PRR7: variants seen among roughly 807,000 people sequenced by gnomAD.
The protein encoded by PRR7 is proline rich 7, synaptic, also known as proline-rich protein 7.
A neutral mutation model predicts 18.5 loss-of-function variants in PRR7; 8 were observed. The ratio of observed to expected loss-of-function variants is 0.43; its 90% CI spans 0.25 to 0.78. The LOEUF is 0.78. PRR7 is among the 30% of genes least tolerant of loss of function. The probability of loss-of-function intolerance (pLI) is 0.22; values close to 1 mark genes in which losing one functional copy is unlikely to be tolerated. For synonymous variants in PRR7, 221 were observed against 187.7 expected (o/e 1.18, Z -1.45); for missense variants, 396 against 403.1 (o/e 0.98, Z 0.15).
chr5:177,453,785 C>G (rs1353395016), intron 1 of PRR7, among the ~76,000 whole-genome samples, 171 bp from the exon 2 acceptor site: 2 of 152,210 alleles, frequency 1.3e-5, no homozygotes, highest in Non-Finnish European at 2.9e-5. Flanking sequence ...GTTGTTCCCC[C>G]AACTCCTCGT....
chr5:177,454,913 C>A lies in PRR7; in HGVS notation c.-155C>A. ...GGGCGCCGCTGCTGTCCCCCGCCGG[C>A]GCGCGCACGACTTGAGACCTGCCAC... On this transcript the variant is annotated 5_prime_UTR_variant, in exon 3 of 4. Transcript: ENST00000323249. The surrounding 1 kb of genome is among the most constrained non-coding windows in gnomAD (Gnocchi z 4.7). 9.4e-7 allele frequency: 1 copy of A among 1,066,484 alleles called. No individual in the cohort carries two copies. The highest frequency in any genetic ancestry group is 4.7e-5 in the South Asian group (1 of 21,492). The allele number at this position is 1,066,484 out of a possible 1,614,324, so 66.1% of individuals were successfully genotyped here.
In PRR7 at chr5:177,455,320, G is replaced by C; in HGVS notation, c.253G>C (p.Glu85Gln). 1.3e-6 allele frequency: 2 copies of C among 1,487,332 alleles called. No homozygotes were observed. The highest frequency in any genetic ancestry group is 1.8e-6 in the Non-Finnish European group (2 of 1,128,006). 92.1% of individuals were successfully genotyped at this position (1,487,332 alleles called of 1,614,324 possible). A position where few individuals can be genotyped will look rare whatever the true frequency, so the allele number is the denominator to read the frequency against. Reference protein sequence around the residue: ...PQPPPHRSRLEAPAHAHSHPH... With the variant: ...PQPPPHRSRLQAPAHAHSHPH... ...GCCACCACCACACCGTAGCCGCCTG[G>C]AGGCGCCGGCTCACGCGCACTCGCA... The change falls in exon 3 of 4, where the codon GAG becomes CAG. Residue 85 changes from glutamate to glutamine, a missense_variant. Coordinates refer to ENST00000323249, the MANE Select transcript of PRR7 (RefSeq NM_030567.5). The surrounding 1 kb of genome is among the most constrained non-coding windows in gnomAD (Gnocchi z 6.9).
In PRR7 at chr5:177,455,369, T is replaced by G; in HGVS notation, c.302T>G (p.Leu101Arg). 2.7e-6 allele frequency: 4 copies of G among 1,496,646 alleles called. No individual in the cohort carries two copies. Among genetic ancestry groups the G allele is most frequent in the Non-Finnish European group, 2.7e-6 (3 of 1,129,224 alleles). The allele number at this position is 1,496,646 out of a possible 1,614,324, so 92.7% of individuals were successfully genotyped here. ...CATCCGCACGTGCACGTGCACCCGC[T>G]GCTGCACCACGGGCCCGCGCAGCCG... ...HSHPHVHVHPLLHHGPAQPHA... is the reference protein window; with the variant it reads ...HSHPHVHVHPRLHHGPAQPHA... Residue 101 changes from leucine (L) to arginine (R), a missense_variant, in exon 3 of 4, where the codon CTG becomes CGG. Coordinates refer to ENST00000323249, the MANE Select transcript of PRR7 (RefSeq NM_030567.5). This position sits in a 1 kb window ranked among gnomAD's most constrained non-coding sequence, Gnocchi z 6.9.
At position 177,455,417 on chromosome 5, in the gene PRR7, C is replaced by G. The variant is rs931510995; in HGVS notation, c.350C>G (p.Pro117Arg). The G allele has an allele frequency of 2.0e-6, 3 of 1,504,340 alleles. No individual in the cohort carries two copies. Among genetic ancestry groups the G allele is most frequent in the Non-Finnish European group, 1.8e-6 (2 of 1,133,736 alleles). The allele number at this position is 1,504,340 out of a possible 1,614,324, so 93.2% of individuals were successfully genotyped here. Residue 117 changes from proline (P) to arginine (R), a missense_variant, in exon 3 of 4, where the codon CCG becomes CGG. Physicochemically the swap from Pro to Arg is moderately radical, Grantham distance 103. Coordinates refer to ENST00000323249, the MANE Select transcript of PRR7 (RefSeq NM_030567.5). This position sits in a 1 kb window ranked among gnomAD's most constrained non-coding sequence, Gnocchi z 6.9. ...CCGCACGCGCACGCGCACCCACACC[C>G]GCACCACCACGCGCTCCCGCACCCG... ...AQPHAHAHPH[P>R]HHHALPHPPP...
Position 177,451,759 on chromosome 5 carries a change from C to T in PRR7, c.-324-2197C>T, listed in dbSNP as rs954423435. Among the ~76,000 whole-genome samples the T allele has an allele frequency of 2.1e-5, 2 of 97,024 alleles. 1 individual carries two copies. The highest frequency in any genetic ancestry group is 6.8e-5 in the African/African-American group (2 of 29,578). 63.7% of individuals were successfully genotyped at this position (97,024 alleles called of 152,430 possible). On this transcript the variant is annotated intron_variant, in intron 1 of 3. Transcript: ENST00000323249. ...GCAGGGAGCACCCTGTAGCCTGCTTCGGAGAGTGACTGTGGTGCCCAGCCC... is the reference window on the plus strand; with the variant it reads ...GCAGGGAGCACCCTGTAGCCTGCTTTGGAGAGTGACTGTGGTGCCCAGCCC...
At chr5:177,451,113 G>A (rs923054436) in intron 1 of PRR7, among the ~76,000 whole-genome samples, 3 of 152,222 alleles carry the variant, frequency 2.0e-5, no homozygotes, top group Admixed American at 1.3e-4. Context: ...AGGATGCGGC[G>A]GACGGAAGGA....
Position 177,450,634 on chromosome 5 carries a change from C to T in PRR7, c.-324-3322C>T, listed in dbSNP as rs1317931274. Among the ~76,000 whole-genome samples the T allele has an allele frequency of 6.6e-6, 1 of 152,212 alleles. No individual in the cohort carries two copies. The highest frequency in any genetic ancestry group is 1.5e-5 in the Non-Finnish European group (1 of 68,030). Reference sequence around the variant, plus strand: ...CGATGGTGCTCGGCCCTGGCCACCCCGGAACATCCTGGCATCATTGGGCTT... The same window carrying T: ...CGATGGTGCTCGGCCCTGGCCACCCTGGAACATCCTGGCATCATTGGGCTT... On this transcript the variant is annotated intron_variant, in intron 1 of 3. Transcript: ENST00000323249. This position sits in a 1 kb window ranked among gnomAD's most constrained non-coding sequence, Gnocchi z 6.6.
intron 1 of PRR7, among the ~76,000 whole-genome samples, chr5:177,453,171 T>C (rs1179497785): frequency 6.6e-6 from 1 of 152,228 alleles, no homozygotes; most frequent in African/African-American, 2.4e-5. Flanking sequence ...TGCGTGGTCC[T>C]TGAAAGATAT....
At chr5:177,452,051 C>T (rs1478323126) in intron 1 of PRR7, among the ~76,000 whole-genome samples, 3 of 152,074 alleles carry the variant, frequency 2.0e-5, no homozygotes, top group Non-Finnish European at 2.9e-5. Flanking sequence ...GTGTGTGGCC[C>T]GAGAAAACAT....
intron 1 of PRR7, among the ~76,000 whole-genome samples, chr5:177,447,484 GC>G (rs1047684543): frequency 1.3e-5 from 2 of 152,194 alleles, no homozygotes; most frequent in African/African-American, 4.8e-5. Flanking sequence ...GGGCGGCCCA[GC>G]CCCTGGGCTT....
rs1158182104 is a variant in PRR7 at position 177,449,907 on chromosome 5, T to C, written c.-325+2947T>C. Among the ~76,000 whole-genome samples the C allele has an allele frequency of 6.6e-5, 10 of 152,058 alleles. No individual in the cohort carries two copies. Among genetic ancestry groups the C allele is most frequent in the Non-Finnish European group, 1.2e-4 (8 of 68,008 alleles). On this transcript the variant is annotated intron_variant, in intron 1 of 3. Transcript: ENST00000323249. The surrounding 1 kb of genome is among the most constrained non-coding windows in gnomAD (Gnocchi z 4.2). ...TGACTGGGAGTGGAGACAAGTCCTG[T>C]CAAGTCCTCTCTGGCCTCAGTTCCT...
chr5:177,455,391 G>GCCGCACGCGCACGCGCAC lies in PRR7; in HGVS notation c.327_344dup (p.Ala111_His116dup). On this transcript the variant is annotated inframe_insertion, in exon 3 of 4. Coordinates refer to ENST00000323249, the MANE Select transcript of PRR7 (RefSeq NM_030567.5). The surrounding 1 kb of genome is among the most constrained non-coding windows in gnomAD (Gnocchi z 6.9). ...CGCTGCTGCACCACGGGCCCGCGCA[G>GCCGCACGCGCACGCGCAC]CCGCACGCGCACGCGCACCCACACC... 2 of 1,493,450 alleles carry GCCGCACGCGCACGCGCAC rather than the reference G, an allele frequency of 1.3e-6. No individual in the cohort carries two copies. Among genetic ancestry groups the GCCGCACGCGCACGCGCAC allele is most frequent in the Non-Finnish European group, 1.8e-6 (2 of 1,127,522 alleles). The allele number at this position is 1,493,450 out of a possible 1,614,324, so 92.5% of individuals were successfully genotyped here.
At position 177,456,189 on chromosome 5, in the gene PRR7, T is replaced by C; in HGVS notation, c.*68T>C. On this transcript the variant is annotated 3_prime_UTR_variant, in exon 4 of 4. Coordinates refer to ENST00000323249, the MANE Select transcript of PRR7 (RefSeq NM_030567.5). ...CTGACTGCGGGGCTTTTTAAATGCT[T>C]CCCTGGACTGCGGGGAGGGGCGGGG... The C allele has an allele frequency of 1.7e-6, 1 of 586,368 alleles. No homozygotes were observed. Among genetic ancestry groups the C allele is most frequent in the Non-Finnish European group, 2.4e-6 (1 of 410,004 alleles). 36.3% of individuals were successfully genotyped at this position (586,368 alleles called of 1,614,324 possible).
Position 177,455,198 on chromosome 5 carries a change from A to T in PRR7, c.131A>T (p.Glu44Val). ...CGCCGCCTCAAACGGCGCCAGGAGG[A>T]GCGACTGCGCGAGCAGAACCTGCGC... ...LRRRLKRRQE[E>V]RLREQNLRAL... Residue 44 changes from glutamate (E) to valine (V), a missense_variant, in exon 3 of 4, where the codon GAG becomes GTG. Around this residue, in one of 2 missense-constraint regions of PRR7, gnomAD observed 383 missense variants for 372.6 expected, o/e 1.03. Transcript: ENST00000323249. The surrounding 1 kb of genome is among the most constrained non-coding windows in gnomAD (Gnocchi z 6.9). 2 of 1,571,666 alleles carry T rather than the reference A, an allele frequency of 1.3e-6. No homozygotes were observed. The highest frequency in any genetic ancestry group is 1.7e-6 in the Non-Finnish European group (2 of 1,165,388).
rs1756273511 is a variant in PRR7, at chr5:177,453,968, C to T, written c.-312C>T. 6.6e-6 allele frequency: 1 copy of T among 152,286 alleles called. No homozygotes were observed. The highest frequency in any genetic ancestry group is 2.4e-5 in the African/African-American group (1 of 41,438). The allele number at this position is 152,286 out of a possible 1,614,324, so 9.4% of individuals were successfully genotyped here. A position where few individuals can be genotyped will look rare whatever the true frequency, so the allele number is the denominator to read the frequency against. On this transcript the variant is annotated 5_prime_UTR_variant, in exon 2 of 4. Transcript: ENST00000323249. Reference sequence around the variant, plus strand: ...ACCTCCCTCTTAGGGTGCAAGGTTCCCCCTCTCACCCGCAGCTGTGGAGAG... The same window carrying T: ...ACCTCCCTCTTAGGGTGCAAGGTTCTCCCTCTCACCCGCAGCTGTGGAGAG...
chr5:177,447,167 G>C (rs1262904439), intron 1 of PRR7, among the ~76,000 whole-genome samples: 1 of 152,104 alleles, frequency 6.6e-6, no homozygotes, highest in African/African-American at 2.4e-5. Flanking sequence ...AACGGGGCGC[G>C]AGCCGCCACC....
intron 1 of PRR7, among the ~76,000 whole-genome samples, chr5:177,451,426 G>T (rs1756164809): frequency 2.9e-5 from 1 of 35,072 alleles, no homozygotes; most frequent in Non-Finnish European, 7.2e-5. Context: ...GCACCCTGTA[G>T]CCTGCTTCGG....
chr5:177,455,529 C>A lies in PRR7; in HGVS notation c.427+35C>A. 1 of 1,447,978 alleles carries A rather than the reference C, an allele frequency of 6.9e-7. No individual in the cohort carries two copies. Among genetic ancestry groups the A allele is most frequent in the South Asian group, 1.4e-5 (1 of 71,024 alleles). The allele number at this position is 1,447,978 out of a possible 1,614,324, so 89.7% of individuals were successfully genotyped here. ...GACCTCCGCCAGGGGGCGATCCGGG[C>A]CGCCGGAAGTGGGCGGGCGTTGGAG... is the stretch of plus-strand genomic sequence containing the variant. On this transcript the variant is annotated intron_variant, in intron 3 of 3. Coordinates refer to ENST00000323249, the MANE Select transcript of PRR7 (RefSeq NM_030567.5). This position sits in a 1 kb window ranked among gnomAD's most constrained non-coding sequence, Gnocchi z 6.9.
In PRR7 at chr5:177,456,131, C is replaced by A; in HGVS notation, c.*10C>A. 1 of 1,399,016 alleles carries A rather than the reference C, an allele frequency of 7.1e-7. No individual in the cohort carries two copies. The highest frequency in any genetic ancestry group is 2.6e-4 in the Middle Eastern group (1 of 3,798). 86.7% of individuals were successfully genotyped at this position (1,399,016 alleles called of 1,614,324 possible). ...GACTACAGCCGTATAGAGGGGCGCC[C>A]GGCGCCCCGGGCCCCACCGGCGGAC... is the stretch of plus-strand genomic sequence containing the variant. On this transcript the variant is annotated 3_prime_UTR_variant, in exon 4 of 4. Coordinates refer to ENST00000323249, the MANE Select transcript of PRR7 (RefSeq NM_030567.5).
Sources: gnomAD v4.1 joint callset for allele counts (sites outside exome capture counted in the v4.1 genomes callset) on GRCh38, gnomAD v4.1.1 for gene constraint, gnomAD v4.1.1 regional missense constraint, Gnocchi (gnomAD v3.1) non-coding constraint, MANE v1.5 for transcripts, NCBI Gene and HGNC (gene_info 2026-07-23, HGNC 2026-07-21) for gene names.